The following KIF13B variants were observed in gnomAD, a reference collection of about 807,000 sequenced individuals.
The protein encoded by KIF13B is kinesin family member 13B.
In KIF13B, 127 loss-of-function variants were observed where a neutral mutation model predicts 222.0. The ratio of observed to expected loss-of-function variants is 0.57; its 90% CI spans 0.50 to 0.66. KIF13B has a LOEUF of 0.66. Ranked by LOEUF, KIF13B falls within the 30% of genes least tolerant of loss-of-function variation. KIF13B has a pLI of 0.00. For missense variants in KIF13B, 2,173 were observed against 2,379.0 expected (o/e 0.91, Z 1.80); for synonymous variants, 976 against 919.0 (o/e 1.06, Z -1.12).
At chr8:29,107,584 CAG>C (rs1180716414) in intron 35 of KIF13B, among the ~76,000 whole-genome samples, 2 of 142,234 alleles carry the variant, frequency 1.4e-5, no homozygotes, top group Non-Finnish European at 3.0e-5. Context: ...TTTTTTGAGA[CAG>C]AGTCTCGCTG....
At position 29,202,120 on chromosome 8, in the gene KIF13B, G is replaced by T. The variant is rs76350629; in HGVS notation, c.150-5921C>A. ...GAGAATAATAGCATTCAGGAGGCGG[G>T]GGGATTTGAAAACTCTACCAGTGAA... is the stretch of plus-strand genomic sequence containing the variant. On this transcript the variant is annotated intron_variant, in intron 2 of 39. Transcript: ENST00000524189. Among the ~76,000 whole-genome samples, 1,005 of 152,268 alleles carry T rather than the reference G, an allele frequency of 6.6e-3. 10 individuals carry two copies. The highest frequency in any genetic ancestry group is 0.023 in the African/African-American group (971 of 41,556).
chr8:29,071,990 G>C lies in KIF13B; in HGVS notation c.4848C>G (p.Val1616=), dbSNP rs1324408706. 7.7e-7 allele frequency: 1 copy of C among 1,306,408 alleles called. No individual in the cohort carries two copies. Among genetic ancestry groups the C allele is most frequent in the East Asian group, 3.4e-5 (1 of 29,800 alleles). The allele number at this position is 1,306,408 out of a possible 1,614,324, so 80.9% of individuals were successfully genotyped here. Residue 1616 remains valine, a synonymous_variant, in exon 39 of 40, where the codon GTC becomes GTG. Transcript: ENST00000524189. This position sits in a 1 kb window ranked among gnomAD's most constrained non-coding sequence, Gnocchi z 4.9. Reference sequence around the variant, plus strand: ...GGGGGCCAGGGGGCTCCTCGGCGGGGACGGCCGTGGGCGGTGGGGGGTGGC... The same window carrying C: ...GGGGGCCAGGGGGCTCCTCGGCGGGCACGGCCGTGGGCGGTGGGGGGTGGC... ...PISHPPPPTA[V]PAEEPPGPQQ...
chr8:29,134,422 G>A (rs1332568964), intron 21 of KIF13B, among the ~76,000 whole-genome samples: 1 of 152,168 alleles, frequency 6.6e-6, no homozygotes, highest in Non-Finnish European at 1.5e-5. Flanking sequence ...AGGGTTACAA[G>A]GACCTTGACT....
intron 14 of KIF13B, among the ~76,000 whole-genome samples, chr8:29,154,335 G>C (rs895058377): frequency 2.0e-5 from 3 of 151,744 alleles, no homozygotes; most frequent in African/African-American, 7.3e-5. Flanking sequence ...AAGGAAAGGA[G>C]GGAAGGGATC....
chr8:29,108,057 A>G, intron 35 of KIF13B, 82 bp downstream of exon 35: 2 of 1,281,484 alleles, frequency 1.6e-6, no homozygotes, highest in Non-Finnish European at 2.2e-6. Flanking sequence ...CTGGCTTGCA[A>G]AAATAACCTG....
At chr8:29,117,126 A>G in intron 30 of KIF13B, 119 bp from the exon 31 acceptor site, 1 of 771,496 alleles carries the variant, frequency 1.3e-6, no homozygotes, top group East Asian at 2.8e-5. Context: ...GCAAAGTTCT[A>G]CTATGACAGC....
intron 12 of KIF13B, among the ~76,000 whole-genome samples, chr8:29,162,656 A>G (rs1042686062): frequency 7.2e-5 from 11 of 152,222 alleles, no homozygotes; most frequent in African/African-American, 2.7e-4. Flanking sequence ...AACGCTACAA[A>G]ATTTTTGTCA....
rs138172790 is a variant in KIF13B at position 29,086,872 on chromosome 8, G to A, written c.4458+5873C>T. ...ACTGCTTATTTTACAATCATTTAAT[G>A]GTCAAAGACTATTGAAATTGGTGCA... On this transcript the variant is annotated intron_variant, in intron 37 of 39. Coordinates refer to ENST00000524189, the MANE Select transcript of KIF13B (RefSeq NM_015254.4). 1.2e-3 allele frequency among the ~76,000 whole-genome samples: 179 copies of A among 152,256 alleles called. 1 individual carries two copies. In the East Asian group the frequency reaches 0.029, roughly 25 times the overall value.
intron 2 of KIF13B, among the ~76,000 whole-genome samples, chr8:29,201,770 G>A (rs1813703620): frequency 6.6e-6 from 1 of 152,150 alleles, no homozygotes; most frequent in South Asian, 2.1e-4. Context: ...GCCATACTAC[G>A]TCATGATATT....
Position 29,167,616 on chromosome 8 carries a change from T to C in KIF13B, c.946-31A>G, listed in dbSNP as rs183201290. 7.7e-6 allele frequency: 12 copies of C among 1,568,288 alleles called. No individual in the cohort carries two copies. In the African/African-American group the frequency reaches 1.2e-4, roughly 16 times the overall value. On this transcript the variant is annotated intron_variant, in intron 10 of 39. Transcript: ENST00000524189. ...GGAGAAAACAGAAAGTTGAGTAGCA[T>C]ATTAAAGTTGGAAGAAGACGTCATA... is the stretch of plus-strand genomic sequence containing the variant.
At chr8:29,140,236 C>T (rs774376354) in intron 20 of KIF13B, 45 bp from the exon 21 acceptor site, 38 of 1,609,692 alleles carry the variant, frequency 2.4e-5, no homozygotes, top group South Asian at 4.4e-5. Context: ...AGATTTGGTT[C>T]GTGCTCCCTT....
At chr8:29,185,654 C>T (rs1453002709) in intron 6 of KIF13B, among the ~76,000 whole-genome samples, 3 of 152,204 alleles carry the variant, frequency 2.0e-5, no homozygotes, top group Non-Finnish European at 2.9e-5. Flanking sequence ...TCATCTTCCT[C>T]ATCCAGCAAA....
chr8:29,143,144 A>C (rs554017398), intron 18 of KIF13B, among the ~76,000 whole-genome samples: 2 of 152,304 alleles, frequency 1.3e-5, no homozygotes, highest in East Asian at 3.9e-4. Flanking sequence ...ATGAGCCACC[A>C]CATTTAAATT....
intron 35 of KIF13B, among the ~76,000 whole-genome samples, chr8:29,105,025 G>A (rs1333865902): frequency 1.3e-5 from 2 of 151,710 alleles, no homozygotes; most frequent in Admixed American, 1.3e-4. Flanking sequence ...GGAGTGCAAT[G>A]GTGCAATCAT....
chr8:29,211,396 A>G (rs1814217732), intron 2 of KIF13B, among the ~76,000 whole-genome samples: 2 of 148,922 alleles, frequency 1.3e-5, no homozygotes, highest in South Asian at 4.2e-4. Context: ...GAACAAGGGA[A>G]GTGAGCCCTT....
chr8:29,140,343 T>A (rs1810758634), intron 20 of KIF13B, 125 bp downstream of exon 20: 7 of 1,382,388 alleles, frequency 5.1e-6, no homozygotes, highest in African/African-American at 1.4e-5. Context: ...ACCCTAAGAG[T>A]CCTTGGAAAC....
In KIF13B at chr8:29,140,006, G is replaced by T. The variant is rs1302770924; in HGVS notation, c.2613+57C>A. On this transcript the variant is annotated intron_variant, in intron 21 of 39. Transcript: ENST00000524189. ...GTGATTTTTGCCATTAAAAGTAATG[G>T]CAAAAACTGCAATGACTTTTGTATC... is the stretch of plus-strand genomic sequence containing the variant. 8.4e-5 allele frequency: 124 copies of T among 1,484,488 alleles called. 1 individual carries two copies. Among genetic ancestry groups the T allele is most frequent in the Non-Finnish European group, 1.1e-4 (122 of 1,105,730 alleles). The allele number at this position is 1,484,488 out of a possible 1,614,324, so 92.0% of individuals were successfully genotyped here.
intron 21 of KIF13B, among the ~76,000 whole-genome samples, chr8:29,139,045 G>C (rs1470022070): frequency 6.6e-6 from 1 of 152,108 alleles, no homozygotes; most frequent in Admixed American, 6.6e-5. Flanking sequence ...CTAAGGGAGG[G>C]GGGCAGCACA....
At chr8:29,075,603 C>T (rs1487302819) in intron 37 of KIF13B, among the ~76,000 whole-genome samples, 1 of 152,240 alleles carries the variant, frequency 6.6e-6, no homozygotes, top group Non-Finnish European at 1.5e-5. Flanking sequence ...TCCCTCCCTC[C>T]AATCACATAT....
Sources: allele counts gnomAD v4.1 joint callset (sites outside exome capture counted in the v4.1 genomes callset), GRCh38; gene constraint gnomAD v4.1.1; non-coding constraint Gnocchi (gnomAD v3.1); transcripts MANE v1.5; gene names NCBI Gene and HGNC (gene_info 2026-07-23, HGNC 2026-07-21).